The following DIS3L2 variants were observed in gnomAD, a reference collection of about 807,000 sequenced individuals.
DIS3L2 encodes the protein DIS3 like 3'-5' exoribonuclease 2, also known as DIS3-like exonuclease 2.
DIS3L2 carries 34 observed loss-of-function variants against 97.5 expected under a neutral mutation model. That is an observed-to-expected ratio of 0.35 (90% CI 0.27 to 0.46). The LOEUF is 0.46. Among genes scored for constraint, DIS3L2 ranks in the 20% least tolerant of loss-of-function variants. DIS3L2 has a pLI of 1.00. For missense variants in DIS3L2, 1,038 were observed against 1,146.0 expected, an observed-to-expected ratio of 0.91 and a Z score of 1.36; for synonymous variants, 435 against 445.2, an observed-to-expected ratio of 0.98 and a Z score of 0.29.
At chr2:232,028,929 TAGA>T (rs1694732590) in intron 4 of DIS3L2, among the ~76,000 whole-genome samples, 2 of 152,204 alleles carry the variant, frequency 1.3e-5, no homozygotes, top group Non-Finnish European at 2.9e-5. Flanking sequence ...AAAACTATTC[TAGA>T]AGATCTCTAA....
rs1694663581 is a variant in DIS3L2 at position 232,293,968 on chromosome 2, GC to G, written c.1660-6069del. On this transcript the variant is annotated intron_variant, in intron 13 of 20. Transcript: ENST00000325385. This position sits in a 1 kb window ranked among gnomAD's most constrained non-coding sequence, Gnocchi z 4.6. ...ACAAATTACACAAGGGCAGTAGAGG[GC>G]CCGGAGGTGGCAGGGACCAGGCCTG... is the stretch of plus-strand genomic sequence containing the variant. 6.6e-6 allele frequency among the ~76,000 whole-genome samples: 1 copy of G among 152,326 alleles called. No homozygotes were observed. The highest frequency in any genetic ancestry group is 2.1e-4 in the South Asian group (1 of 4,826).
chr2:232,332,923 A>G (rs1313717206), intron 16 of DIS3L2, among the ~76,000 whole-genome samples: 1 of 152,020 alleles, frequency 6.6e-6, no homozygotes, highest in Admixed American at 6.5e-5. Flanking sequence ...CCCGTATTGC[A>G]CAGGGCAGGG....
intron 8 of DIS3L2, among the ~76,000 whole-genome samples, chr2:232,148,101 G>A (rs940420326): frequency 6.7e-5 from 10 of 148,450 alleles, no homozygotes; most frequent in Non-Finnish European, 1.3e-4. Context: ...CCAGGCTGGA[G>A]TACAGTGGTT....
In DIS3L2 at chr2:232,037,192, C is replaced by A. The variant is rs185433437; in HGVS notation, c.366+7112C>A. Reference sequence around the variant, plus strand: ...GGGAGATGGGAGTTTTACCTATAAGCCCCTGACTGGGGCTGCTGCCTTTCT... The same window carrying A: ...GGGAGATGGGAGTTTTACCTATAAGACCCTGACTGGGGCTGCTGCCTTTCT... On this transcript the variant is annotated intron_variant, in intron 5 of 20. Coordinates refer to ENST00000325385, the MANE Select transcript of DIS3L2 (RefSeq NM_152383.5). This position sits in a 1 kb window ranked among gnomAD's most constrained non-coding sequence, Gnocchi z 4.6. Among the ~76,000 whole-genome samples, 2,036 of 152,282 alleles carry A rather than the reference C, an allele frequency of 0.013. 33 individuals carry two copies. Among genetic ancestry groups the A allele is most frequent in the Non-Finnish European group, 0.019 (1,315 of 68,002 alleles).
intron 19 of DIS3L2, 187 bp from the exon 20 acceptor site, chr2:232,335,586 G>A (rs2106355975): frequency 3.1e-6 from 2 of 640,816 alleles, no homozygotes; most frequent in Non-Finnish European, 5.5e-6. Flanking sequence ...CTGGCCCTTG[G>A]TCACTCTCAC....
At chr2:232,270,899 TCTCTCTC>T (rs1231832899) in intron 13 of DIS3L2, among the ~76,000 whole-genome samples, 3 of 149,146 alleles carry the variant, frequency 2.0e-5, no homozygotes, top group Admixed American at 6.6e-5. Context: ...TCTCTCTCTC[TCTCTCTC>T]TCTCTCTCTG....
chr2:232,125,269 T>C (rs573539197), intron 6 of DIS3L2, among the ~76,000 whole-genome samples: 5 of 152,360 alleles, frequency 3.3e-5, no homozygotes, highest in African/African-American at 1.2e-4. Context: ...TTGTTTGCAT[T>C]TTTGTCTCCC....
chr2:232,213,604 A>G (rs1692246761), intron 10 of DIS3L2, among the ~76,000 whole-genome samples: 1 of 150,192 alleles, frequency 6.7e-6, no homozygotes, highest in Non-Finnish European at 1.5e-5. Context: ...AGGGGGAAAA[A>G]TGTTCAATGC....
chr2:232,020,869 A>G (rs1376142632), intron 3 of DIS3L2, among the ~76,000 whole-genome samples: 1 of 152,118 alleles, frequency 6.6e-6, no homozygotes, highest in Admixed American at 6.6e-5. Context: ...GTATGCCTGC[A>G]TAAGTGGCAC....
chr2:232,159,128 A>C (rs754193203), intron 8 of DIS3L2, among the ~76,000 whole-genome samples: 1 of 152,168 alleles, frequency 6.6e-6, no homozygotes, highest in Non-Finnish European at 1.5e-5. Flanking sequence ...CTGGTTGGGA[A>C]AGGAATTTAT....
chr2:232,095,439 A>T (rs890515807), intron 6 of DIS3L2, among the ~76,000 whole-genome samples: 1 of 152,310 alleles, frequency 6.6e-6, no homozygotes, highest in South Asian at 2.1e-4. Context: ...AAACTAATAA[A>T]AACTCTACAC....
chr2:232,131,609 A>G (rs1239848506), intron 7 of DIS3L2: 1 of 152,162 alleles, frequency 6.6e-6, no homozygotes, highest in Non-Finnish European at 1.5e-5. Flanking sequence ...AGCTGTGCAC[A>G]TAGCTCATAG....
At chr2:231,984,505 G>C (rs531820447) in intron 1 of DIS3L2, among the ~76,000 whole-genome samples, 5 of 150,602 alleles carry the variant, frequency 3.3e-5, no homozygotes, top group African/African-American at 1.2e-4. Flanking sequence ...TCCTGCCTCA[G>C]CCTCCCAAGT....
chr2:232,148,820 A>T (rs1489484538), intron 8 of DIS3L2, among the ~76,000 whole-genome samples: 1 of 149,090 alleles, frequency 6.7e-6, no homozygotes, highest in Non-Finnish European at 1.5e-5. Context: ...AATTCCAAAA[A>T]AATAATTTCT....
intron 1 of DIS3L2, among the ~76,000 whole-genome samples, chr2:231,979,179 C>T (rs570271337): frequency 1.3e-5 from 2 of 152,022 alleles, no homozygotes; most frequent in Non-Finnish European, 1.5e-5. Flanking sequence ...TATGTTCTTA[C>T]TGTATTTATA....
At chr2:232,133,423 C>T (rs1320728143) in intron 7 of DIS3L2, among the ~76,000 whole-genome samples, 1 of 152,194 alleles carries the variant, frequency 6.6e-6, no homozygotes, top group Non-Finnish European at 1.5e-5. Context: ...GGGTGTATGA[C>T]TGCCTTCTAA....
At chr2:232,067,817 A>G (rs1394412446) in intron 5 of DIS3L2, among the ~76,000 whole-genome samples, 1 of 152,202 alleles carries the variant, frequency 6.6e-6, no homozygotes, top group Non-Finnish European at 1.5e-5. Flanking sequence ...TGTAATCATT[A>G]TATTTTACTA....
At position 232,334,986 on chromosome 2, in the gene DIS3L2, C is replaced by G. The variant is rs1695892818; in HGVS notation, c.2394+251C>G. On this transcript the variant is annotated intron_variant, in intron 19 of 20. Transcript: ENST00000325385. ...GCAGGCCCCTCCATGGCCAGTACAG[C>G]TCGGCAGGGTGTGCAGGCTTTGGGG... The G allele has an allele frequency of 8.0e-6, 4 of 502,754 alleles. No individual in the cohort carries two copies. In the South Asian group the frequency reaches 9.1e-5, roughly 11 times the overall value. The allele number at this position is 502,754 out of a possible 1,614,324, so 31.1% of individuals were successfully genotyped here. A position where few individuals can be genotyped will look rare whatever the true frequency, so the allele number is the denominator to read the frequency against.
chr2:232,298,136 A>G (rs1694766080), intron 13 of DIS3L2, among the ~76,000 whole-genome samples: 1 of 152,214 alleles, frequency 6.6e-6, no homozygotes, highest in Admixed American at 6.5e-5. Flanking sequence ...TAAGCCATGT[A>G]ACAACTACCT....
Sources: gnomAD v4.1 joint callset for allele counts (sites outside exome capture counted in the v4.1 genomes callset) on GRCh38, gnomAD v4.1.1 for gene constraint, Gnocchi (gnomAD v3.1) non-coding constraint, MANE v1.5 for transcripts, NCBI Gene and HGNC (gene_info 2026-07-23, HGNC 2026-07-21) for gene names.